The following GNAS variants were observed in gnomAD, a reference collection of about 807,000 sequenced individuals.
GNAS encodes the protein protein ALEX.
GNAS carries 8 observed loss-of-function variants against 54.5 expected under a neutral mutation model. The observed-to-expected ratio is 0.15, with a 90% confidence interval of 0.09 to 0.26. The LOEUF (loss-of-function observed/expected upper bound fraction) is 0.26. GNAS is among the 10% of genes least tolerant of loss of function. The probability of loss-of-function intolerance (pLI) is 1.00; values close to 1 mark genes in which losing one functional copy is unlikely to be tolerated. For missense variants in GNAS, 170 were observed against 529.8 expected (o/e 0.32, Z 6.67); for synonymous variants, 204 against 191.4 (o/e 1.07, Z -0.54).
rs1322805958 is a variant in GNAS at position 58,876,204 on chromosome 20, CCTTT to C, written c.44-19405_44-19402del. Among the ~76,000 whole-genome samples the C allele has an allele frequency of 4.6e-5, 7 of 152,214 alleles. No homozygotes were observed. In the South Asian group the frequency reaches 8.3e-4, roughly 18 times the overall value. ...GTTCCCCAGTGTAAGTTAAAAGGGG[CCTTT>C]CTGAGATGCGTGATCTTTAGGAAAA... On this transcript the variant is annotated intron_variant, in intron 1 of 12. Coordinates refer to the GNAS transcript ENST00000306090.
upstream of GNAS, chr20:58,889,081 C>T (rs1343551334): frequency 2.9e-6 from 3 of 1,031,134 alleles, no homozygotes; most frequent in Non-Finnish European, 3.5e-6. Context: ...TCGCGCTTCC[C>T]CTTCGGTTTA....
chr20:58,854,442 A>G (rs1184156095), intron 1 of GNAS: 29 of 1,574,120 alleles, frequency 1.8e-5, no homozygotes, highest in Non-Finnish European at 2.4e-5. Context: ...TACCGCTGCC[A>G]GGGCAGCCCC....
chr20:58,840,504 C>T (rs143549225), upstream of GNAS: 98 of 1,613,204 alleles, frequency 6.1e-5, no homozygotes, highest in Non-Finnish European at 7.9e-5. The surrounding 1 kb of genome is among the most constrained non-coding windows in gnomAD (Gnocchi z 6.0). Context: ...GAGACCGCCC[C>T]CACCACTGAG....
At chr20:58,888,186 T>TG (rs369387646), upstream of GNAS, among the ~76,000 whole-genome samples, 351 of 152,318 alleles carry the variant, frequency 2.3e-3, 2 homozygotes, top group African/African-American at 8.0e-3. Context: ...AGACAGTTTG[T>TG]GGACTTTGCA....
intron 1 of GNAS, chr20:58,876,530 C>T (rs1267339542): frequency 6.6e-6 from 1 of 152,074 alleles, no homozygotes; most frequent in Non-Finnish European, 1.5e-5. Context: ...CCACAACGCA[C>T]AAGAAGTACC....
chr20:58,883,047 T>G (rs2088347328), intron 1 of GNAS: 4 of 152,134 alleles, frequency 2.6e-5, no homozygotes. Context: ...AAAAAAAAGT[T>G]CGTCATTAAT....
At chr20:58,898,079 A>C (rs890257765) in intron 2 of GNAS, 1 of 152,242 alleles carries the variant, frequency 6.6e-6, no homozygotes, top group Non-Finnish European at 1.5e-5. Context: ...CGGATTTTCT[A>C]ACTCAAAACT....
rs6123836 is a variant in GNAS at position 58,873,691 on chromosome 20, C to T, written c.44-21921C>T. On this transcript the variant is annotated intron_variant, in intron 1 of 12. Coordinates refer to the GNAS transcript ENST00000306090. This position sits in a 1 kb window ranked among gnomAD's most constrained non-coding sequence, Gnocchi z 4.3. ...CCTGGTCGGTGAGTTTGCCTCAATTCGGGCATTTTCATTTGTTCATTCATT... is the reference window on the plus strand; with the variant it reads ...CCTGGTCGGTGAGTTTGCCTCAATTTGGGCATTTTCATTTGTTCATTCATT... 0.3 allele frequency among the ~76,000 whole-genome samples: 45,837 copies of T among 152,080 alleles called. 8,898 individuals are homozygous for T. Among genetic ancestry groups the T allele is most frequent in the East Asian group, 0.66 (3,417 of 5,162 alleles).
chr20:58,848,971 G>A (rs895346926), intron 1 of GNAS: 3 of 398,326 alleles, frequency 7.5e-6, no homozygotes, highest in Admixed American at 4.4e-5. Context: ...GTTAAATACT[G>A]GGATTTATTC....
At chr20:58,903,357 G>C in intron 3 of GNAS, 174 bp from the exon 4 acceptor site, 1 of 709,662 alleles carries the variant, frequency 1.4e-6, no homozygotes, top group South Asian at 1.5e-5. Context: ...CATTTGGGAG[G>C]TTATAATTTG....
intron 1 of GNAS, among the ~76,000 whole-genome samples, chr20:58,848,184 C>T (rs1164678569): frequency 2.0e-5 from 3 of 152,334 alleles, no homozygotes; most frequent in East Asian, 3.9e-4. Context: ...CAAGTGCAGA[C>T]GCTATTATTT....
upstream of GNAS, among the ~76,000 whole-genome samples, chr20:58,888,186 T>G (rs555405338): frequency 4.6e-5 from 7 of 152,318 alleles, no homozygotes; most frequent in Admixed American, 1.3e-4. Context: ...AGACAGTTTG[T>G]GGACTTTGCA....
chr20:58,873,316 T>G lies in GNAS; in HGVS notation c.44-22296T>G, dbSNP rs2087588204. ...TTGTTGGGAAATGTTTAGTGGAAAT[T>G]TAGCATAAAATGACATGCCTAATTT... On this transcript the variant is annotated intron_variant, in intron 1 of 12. Coordinates refer to the GNAS transcript ENST00000306090. The surrounding 1 kb of genome is among the most constrained non-coding windows in gnomAD (Gnocchi z 4.3). 6.6e-6 allele frequency among the ~76,000 whole-genome samples: 1 copy of G among 152,180 alleles called. No homozygotes were observed. The highest frequency in any genetic ancestry group is 2.1e-4 in the South Asian group (1 of 4,814).
intron 1 of GNAS, among the ~76,000 whole-genome samples, chr20:58,842,722 G>A (rs942851851): frequency 6.6e-6 from 1 of 152,198 alleles, no homozygotes; most frequent in Non-Finnish European, 1.5e-5. Context: ...GTGACATTAA[G>A]TGTTCAGTTT....
rs1293974881 is a variant in GNAS, at chr20:58,882,138, G to A, written c.44-13474G>A. ...GGCTGGAGTGCAGTGGCGCGATCTC[G>A]GCTCACTGCAAGCTCCGCCTCCCGG... On this transcript the variant is annotated intron_variant, in intron 1 of 12. Coordinates refer to the GNAS transcript ENST00000306090. Among the ~76,000 whole-genome samples the A allele has an allele frequency of 2.0e-5, 3 of 152,260 alleles. No homozygotes were observed. The South Asian group carries it at 6.2e-4, about 32-fold the overall frequency.
rs112577727 is a variant in GNAS, at chr20:58,846,902, AC to A, written c.43+6018del. On this transcript the variant is annotated intron_variant, in intron 1 of 12. Coordinates refer to the GNAS transcript ENST00000306090. ...CAGAGCTTCCACTAAAGCCAAATTTACCTTCCGAGATTCCCTCTTTCCCCTC... is the reference window on the plus strand; with the variant it reads ...CAGAGCTTCCACTAAAGCCAAATTTACTTCCGAGATTCCCTCTTTCCCCTC... 2.7e-3 allele frequency among the ~76,000 whole-genome samples: 416 copies of A among 152,270 alleles called. 4 individuals carry two copies. The highest frequency in any genetic ancestry group is 9.6e-3 in the African/African-American group (398 of 41,546).
rs2090791527 is a variant in GNAS at position 58,903,249 on chromosome 20, C to T, written c.258-282C>T. 4 of 531,216 alleles carry T rather than the reference C, an allele frequency of 7.5e-6. No individual in the cohort carries two copies. The South Asian group carries it at 7.9e-5, about 11-fold the overall frequency. The allele number at this position is 531,216 out of a possible 1,614,324, so 32.9% of individuals were successfully genotyped here. A position where few individuals can be genotyped will look rare whatever the true frequency, so the allele number is the denominator to read the frequency against. ...TAGTATGTAGTGTGGGGGCTTCAAA[C>T]CCATGAAAGATTAAATGAGCTGCAT... On this transcript the variant is annotated intron_variant, in intron 3 of 12. Transcript: ENST00000371085.
intron 6 of GNAS, 191 bp from the exon 7 acceptor site, chr20:58,908,971 C>T: frequency 1.3e-6 from 1 of 742,534 alleles, no homozygotes; most frequent in Non-Finnish European, 2.5e-6. Flanking sequence ...TCCTGTTTGC[C>T]CTAACCTTCT....
rs768486507 is a variant in GNAS, at chr20:58,853,971, G to A, written c.43+13085G>A. 2 of 1,612,164 alleles carry A rather than the reference G, an allele frequency of 1.2e-6. No individual in the cohort carries two copies. Among genetic ancestry groups the A allele is most frequent in the East Asian group, 2.2e-5 (1 of 44,846 alleles). On this transcript the variant is annotated intron_variant, in intron 1 of 12. Transcript: ENST00000306090. The surrounding 1 kb of genome is among the most constrained non-coding windows in gnomAD (Gnocchi z 4.4). ...GCTTGATGGAGAAGGATTTGGGGAC[G>A]ACAGCCCACCCCCGGGGCTTTCCCG...
Sources: gnomAD v4.1 joint callset for allele counts (sites outside exome capture counted in the v4.1 genomes callset) on GRCh38, gnomAD v4.1.1 for gene constraint, Gnocchi (gnomAD v3.1) non-coding constraint, MANE v1.5 for transcripts, NCBI Gene and HGNC (gene_info 2026-07-23, HGNC 2026-07-21) for gene names.